The following TGFBRAP1 variants were observed in gnomAD, a reference collection of about 807,000 sequenced individuals.
The protein encoded by TGFBRAP1 is transforming growth factor-beta receptor-associated protein 1.
A neutral mutation model predicts 83.2 loss-of-function variants in TGFBRAP1; 20 were observed. The observed-to-expected ratio is 0.24, with a 90% CI of 0.17 to 0.35. The LOEUF (loss-of-function observed/expected upper bound fraction) is 0.35, where lower values mean the gene tolerates loss of function less well. TGFBRAP1 is among the 10% of genes least tolerant of loss of function. The pLI is 1.00. For synonymous variants in TGFBRAP1, 415 were observed against 459.8 expected, an observed-to-expected ratio of 0.90 and a Z score of 1.25; for missense variants, 950 against 1,099.4, an observed-to-expected ratio of 0.86 and a Z score of 1.92.
chr2:105,279,408 C>A (rs188223999), intron 6 of TGFBRAP1, among the ~76,000 whole-genome samples: 32 of 152,182 alleles, frequency 2.1e-4, no homozygotes, highest in African/African-American at 7.7e-4. Flanking sequence ...CAGGCGTGAA[C>A]CACCACACCC....
In TGFBRAP1 at chr2:105,277,616, G is replaced by C; in HGVS notation, c.1519C>G (p.Gln507Glu). ...HYNNQDAAAV[Q>E]LWVNIVNGDV... ...TGTGGAAACCCTTCTAGACTCACCTGAACTGCAGCAGCATCTTGGTTATTA... is the reference window on the plus strand; with the variant it reads ...TGTGGAAACCCTTCTAGACTCACCTCAACTGCAGCAGCATCTTGGTTATTA... The change falls in exon 7 of 12, where the codon CAG (glutamine) becomes GAG (glutamate). Residue 507 changes from glutamine (Q) to glutamate (E), a missense_variant and splice_region_variant. Transcript: ENST00000393359. 6.2e-7 allele frequency: 1 copy of C among 1,614,078 alleles called. No individual in the cohort carries two copies. Among genetic ancestry groups the C allele is most frequent in the Non-Finnish European group, 8.5e-7 (1 of 1,179,980 alleles).
chr2:105,305,142 A>G (rs1678453966), intron 2 of TGFBRAP1, among the ~76,000 whole-genome samples: 1 of 152,058 alleles, frequency 6.6e-6, no homozygotes, highest in Non-Finnish European at 1.5e-5. Flanking sequence ...GTCTACAGGA[A>G]CTCTCTGTAC....
At chr2:105,311,461 T>A (rs922063611) in intron 1 of TGFBRAP1, among the ~76,000 whole-genome samples, 4 of 152,112 alleles carry the variant, frequency 2.6e-5, no homozygotes, top group Non-Finnish European at 5.9e-5. Flanking sequence ...GGGGCACACC[T>A]GTATTCCCTC....
chr2:105,273,904 C>T (rs1463729586), intron 8 of TGFBRAP1, among the ~76,000 whole-genome samples: 1 of 152,168 alleles, frequency 6.6e-6, no homozygotes, highest in Non-Finnish European at 1.5e-5. Context: ...GCATGAAGCA[C>T]TGTCAAAGGC....
chr2:105,290,956 G>A (rs1010730127), intron 4 of TGFBRAP1, among the ~76,000 whole-genome samples: 14 of 152,208 alleles, frequency 9.2e-5, no homozygotes, highest in Admixed American at 4.6e-4. Context: ...CAGTGATTGC[G>A]AGATTGCGCC....
Position 105,269,475 on chromosome 2 carries a change from C to CGGCCAGCTCGTGGGCAGTGG in TGFBRAP1, c.2183_2202dup (p.Val735ProfsTer14). On this transcript the variant is annotated frameshift_variant, in exon 11 of 12. Coordinates refer to ENST00000393359, the MANE Select transcript of TGFBRAP1 (RefSeq NM_004257.6). LOFTEE classifies it high-confidence loss of function. This position sits in a 1 kb window ranked among gnomAD's most constrained non-coding sequence, Gnocchi z 4.1. ...CGGTTCAGCAGGTCCACGGCAGCCACGGCCAGCTCGTGGGCAGTGGGGCCA... is the reference window on the plus strand; with the variant it reads ...CGGTTCAGCAGGTCCACGGCAGCCACGGCCAGCTCGTGGGCAGTGGGGCCAGCTCGTGGGCAGTGGGGCCA... The CGGCCAGCTCGTGGGCAGTGG allele has an allele frequency of 1.2e-6, 2 of 1,613,302 alleles. No homozygotes were observed. The highest frequency in any genetic ancestry group is 1.7e-6 in the Non-Finnish European group (2 of 1,179,782).
chr2:105,263,383 T>C (rs968067816), downstream of TGFBRAP1, among the ~76,000 whole-genome samples: 11 of 152,342 alleles, frequency 7.2e-5, no homozygotes, highest in African/African-American at 1.9e-4. Flanking sequence ...TATCTCCTCA[T>C]GGTTGGTGAA....
chr2:105,277,563 T>C (rs371583677), intron 7 of TGFBRAP1, 51 bp downstream of exon 7: 120 of 1,585,508 alleles, frequency 7.6e-5, no homozygotes, highest in Non-Finnish European at 9.9e-5. Flanking sequence ...CACTAAGTAT[T>C]ACTTACATGG....
intron 4 of TGFBRAP1, among the ~76,000 whole-genome samples, chr2:105,292,554 T>C (rs1428575505): frequency 6.8e-6 from 1 of 147,600 alleles, no homozygotes; most frequent in Non-Finnish European, 1.5e-5. Context: ...AACATTCACA[T>C]CAAAAGGCAG....
At chr2:105,307,020 C>T (rs1013900593) in intron 2 of TGFBRAP1, among the ~76,000 whole-genome samples, 2 of 152,074 alleles carry the variant, frequency 1.3e-5, no homozygotes, top group Non-Finnish European at 1.5e-5. Context: ...GAGAGGGTCC[C>T]ACAAGCTTAG....
Position 105,269,852 on chromosome 2 carries a change from G to A in TGFBRAP1, c.1973-147C>T, listed in dbSNP as rs1677089290. The A allele has an allele frequency of 1.2e-6, 1 of 865,448 alleles. No individual in the cohort carries two copies. Among genetic ancestry groups the A allele is most frequent in the Non-Finnish European group, 1.7e-6 (1 of 595,074 alleles). 53.6% of individuals were successfully genotyped at this position (865,448 alleles called of 1,614,324 possible). A position where few individuals can be genotyped will look rare whatever the true frequency, so the allele number is the denominator to read the frequency against. On this transcript the variant is annotated intron_variant, in intron 10 of 11. Coordinates refer to ENST00000393359, the MANE Select transcript of TGFBRAP1 (RefSeq NM_004257.6). The surrounding 1 kb of genome is among the most constrained non-coding windows in gnomAD (Gnocchi z 4.1). ...CAAATGCTGCCACCCAGATGACTGAGGGTAGGTTTTCTTGCATTTTCACAC... is the reference window on the plus strand; with the variant it reads ...CAAATGCTGCCACCCAGATGACTGAAGGTAGGTTTTCTTGCATTTTCACAC...
At chr2:105,326,673 C>T (rs1679234115) in intron 1 of TGFBRAP1, among the ~76,000 whole-genome samples, 1 of 152,028 alleles carries the variant, frequency 6.6e-6, no homozygotes, top group Non-Finnish European at 1.5e-5. Context: ...GAGCCGAGAA[C>T]ACGACACTGT....
At chr2:105,287,166 G>T (rs571859155) in intron 4 of TGFBRAP1, among the ~76,000 whole-genome samples, 7 of 151,624 alleles carry the variant, frequency 4.6e-5, no homozygotes, top group Non-Finnish European at 7.4e-5. Context: ...GAGACAGAAA[G>T]CAGAATGGGG....
At chr2:105,273,521 A>T in intron 9 of TGFBRAP1, 23 bp downstream of exon 9, 2 of 1,612,880 alleles carry the variant, frequency 1.2e-6, no homozygotes, top group Non-Finnish European at 1.7e-6. Flanking sequence ...CACACTCTTT[A>T]GTCTAACTTC....
Position 105,296,756 on chromosome 2 carries a change from C to CTTTTT in TGFBRAP1, c.884-251_884-247dup, listed in dbSNP as rs60031957. Among the ~76,000 whole-genome samples the CTTTTT allele has an allele frequency of 2.6e-4, 19 of 73,226 alleles. 2 individuals carry two copies. The highest frequency in any genetic ancestry group is 3.8e-4 in the Admixed American group (2 of 5,294). The allele number at this position is 73,226 out of a possible 152,430, so 48.0% of individuals were successfully genotyped here. Reference sequence around the variant, plus strand: ...ATAATATCTTGCTTTCTTTTTTTGCCTTTTTTTTTTTTTTTTTTTTTTTTT... The same window carrying CTTTTT: ...ATAATATCTTGCTTTCTTTTTTTGCCTTTTTTTTTTTTTTTTTTTTTTTTTTTTTT... On this transcript the variant is annotated intron_variant, in intron 3 of 11. Coordinates refer to ENST00000393359, the MANE Select transcript of TGFBRAP1 (RefSeq NM_004257.6).
Position 105,269,456 on chromosome 2 carries a change from A to G in TGFBRAP1, c.2222T>C (p.Leu741Pro). The change falls in exon 11 of 12, where the codon CTG (leucine) becomes CCG (proline). Residue 741 changes from leucine to proline, a missense_variant. Leu to Pro is a moderately conservative substitution (Grantham distance 98). Coordinates refer to ENST00000393359, the MANE Select transcript of TGFBRAP1 (RefSeq NM_004257.6). This position sits in a 1 kb window ranked among gnomAD's most constrained non-coding sequence, Gnocchi z 4.1. The part of the protein sequence containing the change: ...HELAVAAVDL[L>P]NRHATEFDAA... ...ATCAAATTCGGTGGCGTGGCGGTTC[A>G]GCAGGTCCACGGCAGCCACGGCCAG... The G allele has an allele frequency of 6.2e-7, 1 of 1,613,648 alleles. No individual in the cohort carries two copies. The highest frequency in any genetic ancestry group is 2.2e-5 in the East Asian group (1 of 44,856).
downstream of TGFBRAP1, among the ~76,000 whole-genome samples, chr2:105,259,633 TC>T (rs1282298182): frequency 1.3e-5 from 2 of 152,164 alleles, no homozygotes; most frequent in African/African-American, 4.8e-5. Flanking sequence ...GTGCAAACCT[TC>T]ATTAGGGGAC....
chr2:105,269,755 C>G lies in TGFBRAP1; in HGVS notation c.1973-50G>C. ...GAAAGAAAGGGGCTCGCCGGCCACC[C>G]GCCCAGCGACTGGCCTCCTTGCTGC... On this transcript the variant is annotated intron_variant, in intron 10 of 11. Transcript: ENST00000393359. This position sits in a 1 kb window ranked among gnomAD's most constrained non-coding sequence, Gnocchi z 4.1. 1.4e-6 allele frequency: 2 copies of G among 1,444,970 alleles called. No homozygotes were observed. The highest frequency in any genetic ancestry group is 9.1e-7 in the Non-Finnish European group (1 of 1,101,472). The allele number at this position is 1,444,970 out of a possible 1,614,324, so 89.5% of individuals were successfully genotyped here.
chr2:105,323,719 G>GAAAACA (rs1679135421), intron 1 of TGFBRAP1, among the ~76,000 whole-genome samples: 1 of 152,252 alleles, frequency 6.6e-6, no homozygotes, highest in South Asian at 2.1e-4. Flanking sequence ...GTCCCTACTA[G>GAAAACA]AAAACAAACT....
Sources: gnomAD v4.1 joint callset for allele counts (sites outside exome capture counted in the v4.1 genomes callset) on GRCh38, gnomAD v4.1.1 for gene constraint, Gnocchi (gnomAD v3.1) non-coding constraint, MANE v1.5 for transcripts, NCBI Gene and HGNC (gene_info 2026-07-23, HGNC 2026-07-21) for gene names.